PCDHGA4: variants seen among roughly 807,000 people sequenced by gnomAD.
PCDHGA4 encodes the protein protocadherin gamma subfamily A, 4.
A neutral mutation model predicts 54.6 loss-of-function variants in PCDHGA4; 38 were observed. The ratio of observed to expected loss-of-function variants is 0.70; its 90% CI spans 0.54 to 0.91. The LOEUF (loss-of-function observed/expected upper bound fraction) is 0.91, where lower values mean the gene tolerates loss of function less well. Ranked by LOEUF, PCDHGA4 falls within the 40% of genes least tolerant of loss-of-function variation. PCDHGA4 has a pLI of 0.00. For missense variants in PCDHGA4, 1,298 were observed against 1,220.9 expected (o/e 1.06, Z -0.94); for synonymous variants, 511 against 512.9 (o/e 1.00, Z 0.05).
chr5:141,438,545 A>C (rs915206342), intron 1 of PCDHGA4, among the ~76,000 whole-genome samples: 4 of 140,354 alleles, frequency 2.8e-5, no homozygotes, highest in Admixed American at 7.4e-5. Flanking sequence ...TCTATATCTA[A>C]GCCCTAATAA....
intron 1 of PCDHGA4, chr5:141,402,972 G>A (rs758148844): frequency 6.2e-7 from 1 of 1,608,316 alleles, no homozygotes; most frequent in Non-Finnish European, 8.5e-7. Context: ...CCAACCAAAT[G>A]CCAGCTCCGC....
intron 1 of PCDHGA4, chr5:141,421,232 C>G (rs748347420): frequency 1.3e-6 from 2 of 1,590,370 alleles, no homozygotes; most frequent in Non-Finnish European, 1.7e-6. Context: ...CCTGCCATGG[C>G]GAATCGGCTA....
chr5:141,499,089 A>G (rs1417307590), intron 2 of PCDHGA4, among the ~76,000 whole-genome samples: 2 of 152,116 alleles, frequency 1.3e-5, no homozygotes, highest in Non-Finnish European at 1.5e-5. Context: ...CCTGCTTGGC[A>G]CATGCTTCTC....
chr5:141,455,616 A>G (rs2154565146), intron 1 of PCDHGA4, among the ~76,000 whole-genome samples: 1 of 152,244 alleles, frequency 6.6e-6, no homozygotes, highest in South Asian at 2.1e-4. Flanking sequence ...GGATGTTCTA[A>G]ACACGTGGAG....
chr5:141,384,771 C>T (rs568102289), intron 1 of PCDHGA4: 36 of 1,613,878 alleles, frequency 2.2e-5, no homozygotes, highest in Admixed American at 1.7e-4. Context: ...TGTACACGGG[C>T]GAGGTGCGCA....
intron 1 of PCDHGA4, chr5:141,442,120 C>G (rs766641164): frequency 6.0e-6 from 1 of 165,340 alleles, no homozygotes; most frequent in Admixed American, 6.5e-5. Flanking sequence ...CCCTCGTCGC[C>G]GACAGCCTGC....
intron 1 of PCDHGA4, chr5:141,395,150 C>G: frequency 6.2e-7 from 1 of 1,614,162 alleles, no homozygotes; most frequent in Non-Finnish European, 8.5e-7. Flanking sequence ...CAGACATGCT[C>G]ATCAGTCAGG....
chr5:141,376,463 A>C (rs1772718380), intron 1 of PCDHGA4: 1 of 1,614,212 alleles, frequency 6.2e-7, no homozygotes, highest in South Asian at 1.1e-5. Context: ...TCTTCTGATA[A>C]CTCAGGATTT....
At chr5:141,386,203 G>A (rs2090496623) in intron 1 of PCDHGA4, among the ~76,000 whole-genome samples, 1 of 152,140 alleles carries the variant, frequency 6.6e-6, no homozygotes, top group Non-Finnish European at 1.5e-5. Flanking sequence ...TAGACCAGTA[G>A]TTGATTTTAT....
intron 1 of PCDHGA4, chr5:141,398,947 A>G: frequency 1.2e-6 from 2 of 1,613,968 alleles, no homozygotes; most frequent in Admixed American, 1.7e-5. Context: ...CGAGGGCATC[A>G]ACTCAGAAAT....
chr5:141,409,205 A>T, intron 1 of PCDHGA4: 1 of 1,614,068 alleles, frequency 6.2e-7, no homozygotes, highest in African/African-American at 1.3e-5. Context: ...TAAAGTAATC[A>T]TAGAAATCCT....
chr5:141,410,135 G>T, intron 1 of PCDHGA4: 1 of 1,612,626 alleles, frequency 6.2e-7, no homozygotes, highest in Non-Finnish European at 8.5e-7. Context: ...CCTGCTGGTC[G>T]CTGTGCGTGA....
chr5:141,383,687 C>G, intron 1 of PCDHGA4: 3 of 1,613,968 alleles, frequency 1.9e-6, no homozygotes, highest in Non-Finnish European at 2.5e-6. Flanking sequence ...AGACTGCTCA[C>G]GGTACATGCT....
chr5:141,361,562 C>T, intron 1 of PCDHGA4: 3 of 1,614,074 alleles, frequency 1.9e-6, no homozygotes, highest in Non-Finnish European at 2.5e-6. Flanking sequence ...CAAATCAGTG[C>T]CTCTGACCCT....
intron 1 of PCDHGA4, among the ~76,000 whole-genome samples, chr5:141,368,535 T>C (rs1765706037): frequency 6.6e-6 from 1 of 152,178 alleles, no homozygotes; most frequent in South Asian, 2.1e-4. Context: ...AAAACTTGCT[T>C]TTCCATTTTT....
intron 1 of PCDHGA4, chr5:141,377,040 T>G (rs1229321442): frequency 1.9e-5 from 3 of 154,184 alleles, no homozygotes; most frequent in African/African-American, 7.2e-5. Flanking sequence ...CTTTGATTAG[T>G]GCTTAGTTTT....
rs532631149 is a variant in PCDHGA4, at chr5:141,506,489, C to A, written c.2662+1008C>A. On this transcript the variant is annotated intron_variant, in intron 3 of 3. Transcript: ENST00000571252. ...AAGAGCACAGGCTTTAGAGGCAGGC[C>A]AATCTGGATTCAAATCCTGGCACCT... 1.9e-4 allele frequency among the ~76,000 whole-genome samples: 29 copies of A among 150,750 alleles called. 1 individual carries two copies. In the South Asian group the frequency reaches 5.9e-3, roughly 31 times the overall value.
chr5:141,385,537 T>C (rs1486400401), intron 1 of PCDHGA4: 7 of 1,341,300 alleles, frequency 5.2e-6, no homozygotes, highest in Non-Finnish European at 6.7e-6. Flanking sequence ...ATTATGAATA[T>C]GTGGACTATC....
Position 141,487,424 on chromosome 5 carries a change from C to T in PCDHGA4, c.2515-7383C>T, listed in dbSNP as rs759893122. 5 of 1,613,982 alleles carry T rather than the reference C, an allele frequency of 3.1e-6. No individual in the cohort carries two copies. The highest frequency in any genetic ancestry group is 1.7e-5 in the Admixed American group (1 of 60,000). On this transcript the variant is annotated intron_variant, in intron 1 of 3. Transcript: ENST00000571252. The surrounding 1 kb of genome is among the most constrained non-coding windows in gnomAD (Gnocchi z 5.0). ...GCTTCCCCCTTCCAATGGGATCCTC[C>T]GAATCCAGCTAGGGTCAGATGACCC...
Sources: allele counts gnomAD v4.1 joint callset (sites outside exome capture counted in the v4.1 genomes callset), GRCh38; gene constraint gnomAD v4.1.1; non-coding constraint Gnocchi (gnomAD v3.1); transcripts MANE v1.5; gene names NCBI Gene and HGNC (gene_info 2026-07-23, HGNC 2026-07-21).